Variants in ZNF618 observed in about 807,000 individuals in gnomAD.
ZNF618 encodes the protein neural precursor cell expressed, developmentally down-regulated 10.
ZNF618 carries 34 observed loss-of-function variants against 103.0 expected under a neutral mutation model. That is an observed-to-expected ratio of 0.33 (90% CI 0.25 to 0.44). The LOEUF (loss-of-function observed/expected upper bound fraction) is 0.44, where lower values mean the gene tolerates loss of function less well. Among genes scored for constraint, ZNF618 ranks in the 20% least tolerant of loss-of-function variants. The pLI is 1.00. For synonymous variants in ZNF618, 551 were observed against 542.2 expected, an observed-to-expected ratio of 1.02 and a Z score of -0.23; for missense variants, 1,059 against 1,295.4, an observed-to-expected ratio of 0.82 and a Z score of 2.80.
At position 113,980,119 on chromosome 9, in the gene ZNF618, T is replaced by C. The variant is rs1365202220; in HGVS notation, c.78-8202T>C. ...GTGACAGAAGAGGAAGAGTCAAAGATAGTTCTAGAGTCTGGGCAGCAGGAG... is the reference window on the plus strand; with the variant it reads ...GTGACAGAAGAGGAAGAGTCAAAGACAGTTCTAGAGTCTGGGCAGCAGGAG... On this transcript the variant is annotated intron_variant, in intron 2 of 14. Coordinates refer to ENST00000374126, the MANE Select transcript of ZNF618 (RefSeq NM_001318042.2). Among the ~76,000 whole-genome samples the C allele has an allele frequency of 2.6e-5, 4 of 152,164 alleles. 1 individual carries two copies. Among genetic ancestry groups the C allele is most frequent in the South Asian group, 4.1e-4 (2 of 4,830 alleles).
intron 1 of ZNF618, among the ~76,000 whole-genome samples, chr9:113,939,094 GGGTA>G (rs60626423): frequency 0.043 from 6,502 of 151,616 alleles, 611 homozygotes; most frequent in East Asian, 0.33. Context: ...TCTTCAACTT[GGGTA>G]GCTAGCATCA....
intron 11 of ZNF618, 32 bp downstream of exon 11, chr9:114,029,004 C>G: frequency 6.5e-7 from 1 of 1,536,944 alleles, no homozygotes. Flanking sequence ...CCCACACTTT[C>G]TCCCCCACTG....
intron 10 of ZNF618, among the ~76,000 whole-genome samples, chr9:114,017,756 G>A (rs969794338): frequency 2.6e-5 from 4 of 152,162 alleles, no homozygotes; most frequent in Non-Finnish European, 5.9e-5. Context: ...GGTCACTGGG[G>A]GCTGAAGCCC....
chr9:113,888,335 C>T (rs1054854728), intron 1 of ZNF618, among the ~76,000 whole-genome samples: 3 of 152,242 alleles, frequency 2.0e-5, no homozygotes, highest in African/African-American at 7.2e-5. Context: ...CTCCCCATTT[C>T]ATGGGGCCTG....
At chr9:114,035,253 TGGG>T in intron 12 of ZNF618, 1 of 985,992 alleles carries the variant, frequency 1.0e-6, no homozygotes, top group Non-Finnish European at 1.2e-6. Flanking sequence ...ATGGTCCCGT[TGGG>T]GGGCTGGAGA....
chr9:113,916,801 A>G (rs577748374), intron 1 of ZNF618, among the ~76,000 whole-genome samples: 1 of 152,310 alleles, frequency 6.6e-6, no homozygotes, highest in Admixed American at 6.5e-5. Context: ...TCAGAAAAAC[A>G]TTGCTCTGTC....
chr9:113,971,730 T>C (rs894518396), intron 2 of ZNF618, among the ~76,000 whole-genome samples: 8 of 152,146 alleles, frequency 5.3e-5, no homozygotes, highest in Admixed American at 1.3e-4. Flanking sequence ...GAATTGAGTA[T>C]TATCCCCCTA....
chr9:114,032,060 A>G (rs539109801), intron 11 of ZNF618, among the ~76,000 whole-genome samples: 2 of 152,072 alleles, frequency 1.3e-5, no homozygotes, highest in East Asian at 1.9e-4. Flanking sequence ...CTCAGGGGGA[A>G]CCCATCCCTT....
intron 10 of ZNF618, 46 bp downstream of exon 10, chr9:114,016,830 C>A (rs1564302853): frequency 6.7e-7 from 1 of 1,493,736 alleles, no homozygotes; most frequent in Non-Finnish European, 9.2e-7. Context: ...GGACCCGGGA[C>A]AGGGTGGGCC....
intron 3 of ZNF618, among the ~76,000 whole-genome samples, chr9:113,997,491 C>T (rs890264722): frequency 6.6e-6 from 1 of 152,166 alleles, no homozygotes; most frequent in South Asian, 2.1e-4. Context: ...TATTCGTTGC[C>T]CCTCTGGTCC....
At chr9:113,998,757 G>C (rs1346181031) in intron 4 of ZNF618, among the ~76,000 whole-genome samples, 1 of 152,230 alleles carries the variant, frequency 6.6e-6, no homozygotes, top group East Asian at 1.9e-4. Flanking sequence ...CTGTGCAGTG[G>C]CCTCCCCAGG....
Position 114,002,758 on chromosome 9 carries a change from G to C in ZNF618, c.550+96G>C. The C allele has an allele frequency of 4.9e-6, 7 of 1,433,842 alleles. 1 individual carries two copies. The South Asian group carries it at 9.0e-5, about 18-fold the overall frequency. 88.8% of individuals were successfully genotyped at this position (1,433,842 alleles called of 1,614,324 possible). A position where few individuals can be genotyped will look rare whatever the true frequency, so the allele number is the denominator to read the frequency against. ...GTCCCCTCCCCCAGAACTGCTCCAG[G>C]TGGCCTCTGAGAGACACAGTGCTGG... On this transcript the variant is annotated intron_variant, in intron 6 of 14. Coordinates refer to ENST00000374126, the MANE Select transcript of ZNF618 (RefSeq NM_001318042.2).
At chr9:114,008,311 C>T (rs2133806177) in intron 7 of ZNF618, 33 bp from the exon 8 acceptor site, 3 of 1,612,480 alleles carry the variant, frequency 1.9e-6, no homozygotes, top group Non-Finnish European at 1.7e-6. Flanking sequence ...TGTTTCTTTC[C>T]TTCTGCGGCT....
intron 1 of ZNF618, among the ~76,000 whole-genome samples, chr9:113,880,485 G>A (rs1042872282): frequency 1.3e-5 from 2 of 152,174 alleles, no homozygotes; most frequent in African/African-American, 4.8e-5. Flanking sequence ...AGGATTCTGA[G>A]GCCATATCCC....
chr9:113,970,833 G>A (rs184794394), intron 2 of ZNF618, among the ~76,000 whole-genome samples: 3 of 150,480 alleles, frequency 2.0e-5, no homozygotes, highest in Admixed American at 2.0e-4. Flanking sequence ...CCTTCCCTGT[G>A]TTCCTTTTTT....
At chr9:113,893,551 G>C (rs1829790072) in intron 1 of ZNF618, among the ~76,000 whole-genome samples, 1 of 152,000 alleles carries the variant, frequency 6.6e-6, no homozygotes, top group South Asian at 2.1e-4. Flanking sequence ...AAGTCATAAA[G>C]TATTAAGAAT....
intron 1 of ZNF618, among the ~76,000 whole-genome samples, chr9:113,909,526 G>A (rs752302693): frequency 6.6e-6 from 1 of 152,280 alleles, no homozygotes; most frequent in Middle Eastern, 3.4e-3. Flanking sequence ...AAACCTTGGG[G>A]TGTCATGTGA....
At chr9:113,886,393 C>CA (rs149407873) in intron 1 of ZNF618, among the ~76,000 whole-genome samples, 371 of 152,162 alleles carry the variant, frequency 2.4e-3, no homozygotes, top group African/African-American at 8.6e-3. Flanking sequence ...ATTTTGGACT[C>CA]AGAGTTTTTG....
intron 2 of ZNF618, among the ~76,000 whole-genome samples, chr9:113,969,784 C>T (rs191877943): frequency 2.6e-5 from 4 of 152,234 alleles, no homozygotes; most frequent in Admixed American, 1.3e-4. Flanking sequence ...CCCATGCTGC[C>T]GCTGCTGTTG....
Sources: allele counts gnomAD v4.1 joint callset (sites outside exome capture counted in the v4.1 genomes callset), GRCh38; gene constraint gnomAD v4.1.1; transcripts MANE v1.5; gene names NCBI Gene and HGNC (gene_info 2026-07-23, HGNC 2026-07-21).